NKAP: variants seen among roughly 807,000 people sequenced by gnomAD.
The protein encoded by NKAP is NFKB activating protein, also known as NF-kappa-B-activating protein.
Under a neutral mutation model 35.6 loss-of-function variants are expected in NKAP, and 4 were observed. The ratio of observed to expected loss-of-function variants is 0.11; its 90% CI spans 0.06 to 0.26. The LOEUF (loss-of-function observed/expected upper bound fraction) is 0.26. Ranked by LOEUF, NKAP falls within the 10% of genes least tolerant of loss-of-function variation. The pLI, the probability that NKAP is intolerant of heterozygous loss-of-function variation, is 1.00. For missense variants in NKAP, 238 were observed against 321.9 expected (o/e 0.74, Z 1.99); for synonymous variants, 106 against 119.2 (o/e 0.89, Z 0.72).
In NKAP at chrX:119,925,411, T is replaced by C. The variant is rs753397586; in HGVS notation, c.1074-17A>G. On this transcript the variant is annotated splice_polypyrimidine_tract_variant and intron_variant, in intron 8 of 8. Coordinates refer to ENST00000371410, the MANE Select transcript of NKAP (RefSeq NM_024528.4). ...CGGCGATGCCTGGAGAGAATTTTAT[T>C]TTTGGCTTAATTTCTCAGTAATTAT... 12 of 1,183,055 alleles carry C rather than the reference T, an allele frequency of 1.0e-5. No individual in the cohort carries two copies. Among genetic ancestry groups the C allele is most frequent in the Non-Finnish European group, 1.4e-5 (12 of 885,706 alleles).
intron 8 of NKAP, among the ~76,000 whole-genome samples, chrX:119,928,091 C>G (rs1010062388): frequency 8.9e-6 from 1 of 112,334 alleles, no homozygotes; most frequent in African/African-American, 3.2e-5. Flanking sequence ...TTGATTGGAA[C>G]TATATTGAAG....
chrX:119,934,030 C>T (rs2099823588), intron 5 of NKAP, among the ~76,000 whole-genome samples: 1 of 111,555 alleles, frequency 9.0e-6, no homozygotes, highest in African/African-American at 3.3e-5. Context: ...GAGATTGGGT[C>T]CAAAATAAAT....
rs746405441 is a variant in NKAP at position 119,926,598 on chromosome X, C to T, written c.1074-1204G>A. On this transcript the variant is annotated intron_variant, in intron 8 of 8. Transcript: ENST00000371410. ...ATTAATTTCAAATACTAAGGGTATA[C>T]GTCTAATTTGTTTCCAGTAAAACAA... 1.4e-4 allele frequency among the ~76,000 whole-genome samples: 16 copies of T among 111,181 alleles called. No individual in the cohort carries two copies. In the South Asian group the frequency reaches 4.6e-3, roughly 32 times the overall value.
At chrX:119,927,279 CT>C (rs1290533279) in intron 8 of NKAP, among the ~76,000 whole-genome samples, 1 of 108,274 alleles carries the variant, frequency 9.2e-6, no homozygotes, top group African/African-American at 3.3e-5. Context: ...CCCCATTGAT[CT>C]GACATGCTAT....
At chrX:119,927,316 C>G (rs770048196) in intron 8 of NKAP, among the ~76,000 whole-genome samples, 2 of 108,730 alleles carry the variant, frequency 1.8e-5, no homozygotes, top group Non-Finnish European at 3.8e-5. Flanking sequence ...AAGTTCCATA[C>G]GTGTATGGTT....
intron 4 of NKAP, among the ~76,000 whole-genome samples, chrX:119,935,284 T>G (rs1416662634): frequency 9.0e-6 from 1 of 111,307 alleles, no homozygotes; most frequent in Non-Finnish European, 1.9e-5. Context: ...GTGCAATGAG[T>G]AAACCAAGCT....
chrX:119,940,884 G>A (rs1051136399), intron 1 of NKAP, among the ~76,000 whole-genome samples: 6 of 111,401 alleles, frequency 5.4e-5, no homozygotes, highest in Admixed American at 2.9e-4. Context: ...ATTATTGGCC[G>A]GGCCCAGCAC....
intron 8 of NKAP, among the ~76,000 whole-genome samples, chrX:119,927,621 A>T (rs750468856): frequency 1.8e-5 from 2 of 112,497 alleles, no homozygotes; most frequent in South Asian, 7.3e-4. Context: ...CTGGGATTAC[A>T]GGCATGAGCC....
In NKAP at chrX:119,943,590, C is replaced by T. The variant is rs368205896; in HGVS notation, c.16G>A (p.Gly6Ser). 5.1e-6 allele frequency: 6 copies of T among 1,182,974 alleles called. No homozygotes were observed. The South Asian group carries it at 1.1e-4, about 22-fold the overall frequency. The change falls in exon 1 of 9, where the codon GGC becomes AGC. Residue 6 changes from glycine (G) to serine (S), a missense_variant. Transcript: ENST00000371410. ...GCCTCCCTATCCGGGCTGCGTGAGC[C>T]GGACACCGGAGCCATGGCTACTGGG... MAPVS[G>S]SRSPDREASG...
At chrX:119,941,858 G>T (rs1204757948) in intron 1 of NKAP, among the ~76,000 whole-genome samples, 1 of 111,652 alleles carries the variant, frequency 9.0e-6, no homozygotes, top group East Asian at 2.8e-4. Flanking sequence ...TGAACTCCTG[G>T]ATTCAAGTGA....
Position 119,943,638 on chromosome X carries a change from A to C in NKAP, c.-33T>G. The C allele has an allele frequency of 8.8e-7, 1 of 1,140,332 alleles. No individual in the cohort carries two copies. Among genetic ancestry groups the C allele is most frequent in the Non-Finnish European group, 1.2e-6 (1 of 863,889 alleles). 94.0% of individuals were successfully genotyped at this position (1,140,332 alleles called of 1,213,427 possible). ...GGGGGGCCCCAGCAGCCGTGGGACAAGGGGGCGCTCTCGCGAGCCTAGGAA... is the reference window on the plus strand; with the variant it reads ...GGGGGGCCCCAGCAGCCGTGGGACACGGGGGCGCTCTCGCGAGCCTAGGAA... On this transcript the variant is annotated 5_prime_UTR_variant, in exon 1 of 9. Transcript: ENST00000371410.
intron 7 of NKAP, among the ~76,000 whole-genome samples, chrX:119,930,639 C>T (rs941232459): frequency 1.8e-5 from 2 of 110,220 alleles, no homozygotes; most frequent in African/African-American, 3.3e-5. Context: ...GCCAACATAG[C>T]GAAACCCCGT....
rs768490023 is a variant in NKAP, at chrX:119,936,318, C to A, written c.652G>T (p.Asp218Tyr). ...KYSEDSDSDS[D>Y]SETDSSDEDN... ...TTACCACTGGAGTCTGTTTCAGAATCAGAGTCACTGTCGCTATCTTCAGAA... is the reference window on the plus strand; with the variant it reads ...TTACCACTGGAGTCTGTTTCAGAATAAGAGTCACTGTCGCTATCTTCAGAA... Residue 218 changes from aspartate (D) to tyrosine (Y), a missense_variant, in exon 4 of 9, where the codon GAT (aspartate) becomes TAT (tyrosine). Transcript: ENST00000371410. The A allele has an allele frequency of 5.0e-6, 6 of 1,203,918 alleles. No individual in the cohort carries two copies. The Admixed American group carries it at 1.3e-4, about 27-fold the overall frequency.
chrX:119,929,981 AATC>A, intron 8 of NKAP, 32 bp downstream of exon 8: 1 of 1,132,385 alleles, frequency 8.8e-7, no homozygotes, highest in African/African-American at 1.8e-5. Context: ...AAAAAGATCT[AATC>A]ATGGAAACTG....
chrX:119,930,843 A>C (rs1317547693), intron 7 of NKAP, among the ~76,000 whole-genome samples: 1 of 73,196 alleles, frequency 1.4e-5, no homozygotes, highest in East Asian at 4.5e-4. Flanking sequence ...ACAAAACAAA[A>C]AAAAAAAACA....
chrX:119,934,629 T>A, intron 4 of NKAP, 72 bp from the exon 5 acceptor site: 1 of 693,627 alleles, frequency 1.4e-6, no homozygotes, highest in Non-Finnish European at 2.1e-6. Context: ...TTTGAGTAGG[T>A]AACTATCCTA....
Position 119,923,940 on chromosome X carries a change from G to A in NKAP, c.*1280C>T, listed in dbSNP as rs2056697770. On this transcript the variant is annotated 3_prime_UTR_variant, in exon 9 of 9. Transcript: ENST00000371410. The stretch of plus-strand genomic sequence containing the variant: ...TTGTACTCCAGCCTGGGCAACAAGA[G>A]CGAGATTCCATCTCAAAAAAAACAA... 1 of 108,162 alleles carries A rather than the reference G, an allele frequency of 9.2e-6. No individual in the cohort carries two copies. Among genetic ancestry groups the A allele is most frequent in the African/African-American group, 3.5e-5 (1 of 28,243 alleles). 8.9% of individuals were successfully genotyped at this position (108,162 alleles called of 1,213,427 possible). A position where few individuals can be genotyped will look rare whatever the true frequency, so the allele number is the denominator to read the frequency against.
chrX:119,929,443 G>A (rs768701863), intron 8 of NKAP, among the ~76,000 whole-genome samples: 4 of 112,091 alleles, frequency 3.6e-5, no homozygotes, highest in African/African-American at 1.3e-4. Context: ...CATTCTCCTG[G>A]TTCTTCCTGG....
intron 5 of NKAP, among the ~76,000 whole-genome samples, chrX:119,933,128 T>G (rs1449309687): frequency 8.9e-6 from 1 of 112,408 alleles, no homozygotes; most frequent in Non-Finnish European, 1.9e-5. Context: ...ATGTCAAATA[T>G]GTTTAAATCC....
Sources: gnomAD v4.1 joint callset for allele counts (sites outside exome capture counted in the v4.1 genomes callset) on GRCh38, gnomAD v4.1.1 for gene constraint, MANE v1.5 for transcripts, NCBI Gene and HGNC (gene_info 2026-07-23, HGNC 2026-07-21) for gene names.